RAMP1: variants seen among roughly 807,000 people sequenced by gnomAD.
RAMP1 encodes the protein receptor activity modifying protein 1.
In RAMP1, 7 loss-of-function variants were observed where a neutral mutation model predicts 8.2. That is an observed-to-expected ratio of 0.85 (90% CI 0.49 to 1.60). RAMP1 has a LOEUF of 1.60. Ranked by LOEUF, RAMP1 falls within the 40% of genes most tolerant of loss-of-function variation. The pLI, the probability that RAMP1 is intolerant of heterozygous loss-of-function variation, is 0.00. For missense variants in RAMP1, 192 were observed against 202.4 expected, an observed-to-expected ratio of 0.95 and a Z score of 0.31; for synonymous variants, 92 against 84.7, an observed-to-expected ratio of 1.09 and a Z score of -0.47.
chr2:237,881,703 G>A (rs923928928), intron 2 of RAMP1, among the ~76,000 whole-genome samples: 6 of 152,224 alleles, frequency 3.9e-5, no homozygotes, highest in Admixed American at 6.5e-5. Context: ...TTTACAGGCC[G>A]TTCTTTTATC....
intron 2 of RAMP1, among the ~76,000 whole-genome samples, chr2:237,891,445 C>T (rs1171410643): frequency 6.6e-6 from 1 of 152,228 alleles, no homozygotes; most frequent in Admixed American, 6.5e-5. Flanking sequence ...CCACCGCGCC[C>T]AGCCCATTGT....
chr2:237,877,370 C>G lies in RAMP1; in HGVS notation c.191+8C>G, dbSNP rs774612683. On this transcript the variant is annotated splice_region_variant and intron_variant, in intron 2 of 2. Transcript: ENST00000254661. This position sits in a 1 kb window ranked among gnomAD's most constrained non-coding sequence, Gnocchi z 4.4. ...CTGGGGCAGGACCATCAGGTGAGTC[C>G]CATGGCCCCTGGTGGGCAGGACACG... The G allele has an allele frequency of 5.6e-6, 9 of 1,609,240 alleles. No individual in the cohort carries two copies. The highest frequency in any genetic ancestry group is 5.9e-6 in the Non-Finnish European group (7 of 1,177,542).
intron 2 of RAMP1, among the ~76,000 whole-genome samples, chr2:237,892,181 C>G (rs139638300): frequency 6.6e-6 from 1 of 152,004 alleles, no homozygotes; most frequent in Non-Finnish European, 1.5e-5. Flanking sequence ...TCTTCAGGCA[C>G]TCCAATTTTT....
intron 1 of RAMP1, among the ~76,000 whole-genome samples, chr2:237,875,662 C>T (rs1245679374): frequency 6.6e-6 from 1 of 152,192 alleles, no homozygotes; most frequent in Non-Finnish European, 1.5e-5. Flanking sequence ...ACACACCTGG[C>T]TCTTTGGGAC....
intron 2 of RAMP1, among the ~76,000 whole-genome samples, chr2:237,879,719 G>A (rs1489596767): frequency 2.7e-5 from 4 of 147,488 alleles, no homozygotes. Flanking sequence ...ACCGGGCACT[G>A]TGGCTCACAC....
chr2:237,911,908 G>T lies in RAMP1; in HGVS notation c.*125G>T. 7.1e-7 allele frequency: 1 copy of T among 1,403,756 alleles called. No individual in the cohort carries two copies. 87.0% of individuals were successfully genotyped at this position (1,403,756 alleles called of 1,614,324 possible). On this transcript the variant is annotated 3_prime_UTR_variant, in exon 3 of 3. Coordinates refer to ENST00000254661, the MANE Select transcript of RAMP1 (RefSeq NM_005855.4). ...ACAATGCCCCCCTTCTTCCAGCCAA[G>T]AAGAGCTCACAGGAGTCCAGAGTAG...
At position 237,907,516 on chromosome 2, in the gene RAMP1, T is replaced by G. The variant is rs189080366; in HGVS notation, c.192-4012T>G. ...ATGCTCTGGTTTTCCCTCACTTTTT[T>G]TTCTCTTTGTGTTCCAGTTTGGTTA... On this transcript the variant is annotated intron_variant, in intron 2 of 2. Transcript: ENST00000254661. Among the ~76,000 whole-genome samples the G allele has an allele frequency of 1.1e-4, 16 of 151,718 alleles. No homozygotes were observed. In the East Asian group the frequency reaches 1.6e-3, roughly 15 times the overall value.
Position 237,862,228 on chromosome 2 carries a change from C to T in RAMP1, c.52+2501C>T, listed in dbSNP as rs1229935907. Among the ~76,000 whole-genome samples the T allele has an allele frequency of 6.6e-6, 1 of 152,166 alleles. No individual in the cohort carries two copies. The highest frequency in any genetic ancestry group is 6.5e-5 in the Admixed American group (1 of 15,288). On this transcript the variant is annotated intron_variant, in intron 1 of 2. Transcript: ENST00000254661. This position sits in a 1 kb window ranked among gnomAD's most constrained non-coding sequence, Gnocchi z 4.0. ...CATCACAGGAAATGCTATGTGACTG[C>T]TTCAGATTGCCATGCGGTTTTAAAT...
At chr2:237,901,860 T>TATTC (rs2062600773) in intron 2 of RAMP1, among the ~76,000 whole-genome samples, 1 of 151,626 alleles carries the variant, frequency 6.6e-6, no homozygotes, top group African/African-American at 2.4e-5. Flanking sequence ...AGCCCCCACA[T>TATTC]ACTCACTACA....
chr2:237,898,837 G>A (rs960259154), intron 2 of RAMP1, among the ~76,000 whole-genome samples: 2 of 152,214 alleles, frequency 1.3e-5, no homozygotes, highest in Non-Finnish European at 2.9e-5. Flanking sequence ...AGGCCACAGC[G>A]TGGCTCTCTG....
chr2:237,873,606 A>T (rs1364792299), intron 1 of RAMP1, among the ~76,000 whole-genome samples: 1 of 152,214 alleles, frequency 6.6e-6, no homozygotes, highest in Non-Finnish European at 1.5e-5. Context: ...TTCCTGTCTT[A>T]ACACGCCGAG....
intron 2 of RAMP1, among the ~76,000 whole-genome samples, chr2:237,903,378 G>A (rs758263828): frequency 3.1e-4 from 47 of 152,210 alleles, no homozygotes; most frequent in African/African-American, 7.5e-4. Context: ...ATGCAATTAC[G>A]GGGTCAAGAG....
At chr2:237,881,754 G>A (rs767979483) in intron 2 of RAMP1, among the ~76,000 whole-genome samples, 4 of 152,088 alleles carry the variant, frequency 2.6e-5, no homozygotes, top group Admixed American at 6.6e-5. Flanking sequence ...CTATCAGGTC[G>A]TTTTTAAAGA....
At chr2:237,889,424 G>A (rs1320501702) in intron 2 of RAMP1, among the ~76,000 whole-genome samples, 1 of 152,156 alleles carries the variant, frequency 6.6e-6, no homozygotes, top group Non-Finnish European at 1.5e-5. Flanking sequence ...GTTAAATAAT[G>A]TCGCCAACCT....
chr2:237,885,329 G>A (rs533563856), intron 2 of RAMP1, among the ~76,000 whole-genome samples: 7 of 152,180 alleles, frequency 4.6e-5, no homozygotes, highest in Non-Finnish European at 7.4e-5. Context: ...AGCCCTGCCC[G>A]CCGCCTGCCC....
chr2:237,871,943 T>C (rs963879605), intron 1 of RAMP1, among the ~76,000 whole-genome samples: 5 of 152,180 alleles, frequency 3.3e-5, no homozygotes, highest in Admixed American at 2.0e-4. Flanking sequence ...GAATTGTCTA[T>C]GTAAAATGGG....
chr2:237,868,412 C>G (rs1213239055), intron 1 of RAMP1, among the ~76,000 whole-genome samples: 1 of 152,148 alleles, frequency 6.6e-6, no homozygotes, highest in Non-Finnish European at 1.5e-5. Flanking sequence ...ATTTTATCCA[C>G]ATATCATTAT....
intron 2 of RAMP1, among the ~76,000 whole-genome samples, chr2:237,880,445 AAC>A (rs2151010774): frequency 6.6e-6 from 1 of 152,326 alleles, no homozygotes; most frequent in Non-Finnish European, 1.5e-5. Context: ...TTCTCCAAGG[AAC>A]ACTGGTTCCT....
chr2:237,879,424 C>T (rs192817143), intron 2 of RAMP1, among the ~76,000 whole-genome samples: 146 of 151,800 alleles, frequency 9.6e-4, no homozygotes, highest in African/African-American at 3.4e-3. Flanking sequence ...TCGCCATCCT[C>T]GGAGCCGAGT....
Sources: gnomAD v4.1 joint callset for allele counts (sites outside exome capture counted in the v4.1 genomes callset) on GRCh38, gnomAD v4.1.1 for gene constraint, Gnocchi (gnomAD v3.1) non-coding constraint, MANE v1.5 for transcripts, NCBI Gene and HGNC (gene_info 2026-07-23, HGNC 2026-07-21) for gene names.